The following PI4KA variants were observed in gnomAD, a reference collection of about 807,000 sequenced individuals.
PI4KA encodes phosphatidylinositol 4-kinase alpha, also known as PI4-kinase alpha.
A neutral mutation model predicts 271.4 loss-of-function variants in PI4KA; 122 were observed. That is an observed-to-expected ratio of 0.45 (90% confidence interval 0.39 to 0.52). PI4KA has a LOEUF of 0.52. Among genes scored for constraint, PI4KA ranks in the 20% least tolerant of loss-of-function variants. PI4KA has a pLI of 0.00. For missense variants in PI4KA, 1,969 were observed against 2,769.1 expected (o/e 0.71, Z 6.48); for synonymous variants, 1,041 against 1,078.8 (o/e 0.96, Z 0.69).
rs776276155 is a variant in PI4KA at position 20,807,394 on chromosome 22, T to G, written c.1136A>C (p.Lys379Thr). Residue 379 changes from lysine (K) to threonine (T), a missense_variant, in exon 10 of 55, where the codon AAG (lysine) becomes ACG (threonine). This residue lies in a region of PI4KA where 540 missense variants were observed against 555.5 expected (regional missense o/e 0.97). Transcript: ENST00000255882. Reference sequence around the variant, plus strand: ...GTAGTACAGAGTGTCACGCAGCATCTTGAACATGGTCAGGTAGAGAGGGTC... The same window carrying G: ...GTAGTACAGAGTGTCACGCAGCATCGTGAACATGGTCAGGTAGAGAGGGTC... The part of the protein sequence containing the change: ...FSDPLYLTMF[K>T]MLRDTLYYMK... 1.2e-6 allele frequency: 2 copies of G among 1,613,240 alleles called. No homozygotes were observed. Among genetic ancestry groups the G allele is most frequent in the Non-Finnish European group, 1.7e-6 (2 of 1,179,236 alleles).
At chr22:20,841,771 A>T (rs1343647001) in intron 1 of PI4KA, among the ~76,000 whole-genome samples, 2 of 152,220 alleles carry the variant, frequency 1.3e-5, no homozygotes, top group African/African-American at 4.8e-5. Flanking sequence ...GGCCCAGGGC[A>T]ATCACAAAGG....
intron 19 of PI4KA, among the ~76,000 whole-genome samples, chr22:20,768,734 T>G (rs768958641): frequency 6.6e-6 from 1 of 151,974 alleles, no homozygotes; most frequent in Non-Finnish European, 1.5e-5. Context: ...GGCCAAGACC[T>G]GGGGGTGCAG....
intron 1 of PI4KA, among the ~76,000 whole-genome samples, chr22:20,854,354 C>G (rs1927339955): frequency 1.3e-5 from 2 of 152,152 alleles, no homozygotes; most frequent in South Asian, 4.1e-4. Flanking sequence ...CTCCTGACCT[C>G]AAGCGATCAG....
chr22:20,796,157 G>A lies in PI4KA; in HGVS notation c.2266C>T (p.Pro756Ser), dbSNP rs766884028. 1 of 1,613,254 alleles carries A rather than the reference G, an allele frequency of 6.2e-7. No individual in the cohort carries two copies. Among genetic ancestry groups the A allele is most frequent in the Admixed American group, 1.7e-5 (1 of 59,980 alleles). ...ATCCTCCTTCCTACCTTTAGGGCAG[G>A]GCCCTTCTCGCTTGCCCTCTCGCTG... ...RASERASEKG[P>S]ALKASSSAGN... Residue 756 changes from proline (P) to serine (S), a missense_variant, in exon 18 of 55, where the codon CCT becomes TCT. Pro to Ser is a moderately conservative substitution (Grantham distance 74). Transcript: ENST00000255882.
intron 1 of PI4KA, among the ~76,000 whole-genome samples, chr22:20,841,155 C>T (rs1283818436): frequency 6.6e-6 from 1 of 152,156 alleles, no homozygotes; most frequent in African/African-American, 2.4e-5. Flanking sequence ...GCTGAGATTA[C>T]AGGCATGAGC....
At position 20,848,819 on chromosome 22, in the gene PI4KA, G is replaced by GA. The variant is rs942798575; in HGVS notation, c.156+9750dup. Among the ~76,000 whole-genome samples, 42 of 143,222 alleles carry GA rather than the reference G, an allele frequency of 2.9e-4. No individual in the cohort carries two copies. In the Middle Eastern group the frequency reaches 0.014, roughly 48 times the overall value. 94.0% of individuals were successfully genotyped at this position (143,222 alleles called of 152,430 possible). The stretch of plus-strand genomic sequence containing the variant: ...AACACAAAAAGCACAAGGGACAAAA[G>GA]AAAAAAAAAATGACAAAATGGACAT... On this transcript the variant is annotated intron_variant, in intron 1 of 54. Transcript: ENST00000255882.
rs185148715 is a variant in PI4KA, at chr22:20,790,108, T to G, written c.2328+3085A>C. On this transcript the variant is annotated intron_variant, in intron 19 of 54. Coordinates refer to ENST00000255882, the MANE Select transcript of PI4KA (RefSeq NM_058004.4). The stretch of plus-strand genomic sequence containing the variant: ...CTGAAGTAATTTAATCAATGATATC[T>G]CTGAAGAAATATTATTCACAAAGTT... Among the ~76,000 whole-genome samples, 163 of 152,340 alleles carry G rather than the reference T, an allele frequency of 1.1e-3. 1 individual carries two copies. The highest frequency in any genetic ancestry group is 4.3e-3 in the South Asian group (21 of 4,830).
intron 3 of PI4KA, among the ~76,000 whole-genome samples, chr22:20,825,980 C>A (rs1923355755): frequency 6.6e-6 from 1 of 152,170 alleles, no homozygotes; most frequent in Non-Finnish European, 1.5e-5. Flanking sequence ...GAACATGCAG[C>A]GTTTGGTTTC....
At chr22:20,757,390 C>A (rs1211146272) in intron 23 of PI4KA, among the ~76,000 whole-genome samples, 5 of 152,160 alleles carry the variant, frequency 3.3e-5, no homozygotes, top group Non-Finnish European at 7.3e-5. Flanking sequence ...TGAGGAGGAA[C>A]AATCAGTCCC....
At chr22:20,759,727 G>A (rs567535166) in intron 23 of PI4KA, among the ~76,000 whole-genome samples, 44 of 152,184 alleles carry the variant, frequency 2.9e-4, no homozygotes, top group African/African-American at 8.4e-4. Flanking sequence ...CACCACGCCC[G>A]GCTAATTTTT....
intron 19 of PI4KA, chr22:20,784,321 T>TA (rs1934037065): frequency 6.3e-7 from 1 of 1,589,562 alleles, no homozygotes; most frequent in African/African-American, 1.3e-5. Flanking sequence ...AAATGGATCA[T>TA]TTTTTTAAAA....
At chr22:20,774,316 C>T (rs1201766663) in intron 19 of PI4KA, among the ~76,000 whole-genome samples, 2 of 152,090 alleles carry the variant, frequency 1.3e-5, no homozygotes, top group African/African-American at 4.8e-5. Context: ...TGTGTCAGTT[C>T]CATTGTTGGG....
chr22:20,816,605 C>A (rs1921843206), intron 7 of PI4KA, among the ~76,000 whole-genome samples: 1 of 152,124 alleles, frequency 6.6e-6, no homozygotes, highest in Admixed American at 6.6e-5. Context: ...GCACTCCAGC[C>A]TGGGTGACAG....
chr22:20,851,736 A>G (rs1423422762), intron 1 of PI4KA, among the ~76,000 whole-genome samples: 1 of 152,200 alleles, frequency 6.6e-6, no homozygotes, highest in East Asian at 1.9e-4. Flanking sequence ...AGAGCCTCTC[A>G]GGACTCAATA....
rs367588433 is a variant in PI4KA at position 20,803,341 on chromosome 22, G to A, written c.1462-21C>T. On this transcript the variant is annotated intron_variant, in intron 12 of 54. Transcript: ENST00000255882. Reference sequence around the variant, plus strand: ...AAACCCTGCAACACACCATCAACCTGTCACATGGCCTGTGGTATGGGACCA... The same window carrying A: ...AAACCCTGCAACACACCATCAACCTATCACATGGCCTGTGGTATGGGACCA... 25 of 1,613,438 alleles carry A rather than the reference G, an allele frequency of 1.5e-5. No homozygotes were observed. The African/African-American group carries it at 2.0e-4, about 13-fold the overall frequency.
In PI4KA at chr22:20,780,225, C is replaced by T. The variant is rs181543713; in HGVS notation, c.2328+12968G>A. 6.9e-5 allele frequency: 112 copies of T among 1,614,130 alleles called. 2 individuals carry two copies. The highest frequency in any genetic ancestry group is 1.7e-6 in the Non-Finnish European group (2 of 1,180,024). ...AGGTAAGAGGCACCTTTACAGTTCT[C>T]ACAGCAAACCCACAACATACTATTT... On this transcript the variant is annotated intron_variant, in intron 19 of 54. Coordinates refer to ENST00000255882, the MANE Select transcript of PI4KA (RefSeq NM_058004.4).
chr22:20,823,257 T>C (rs905946650), intron 4 of PI4KA, among the ~76,000 whole-genome samples: 9 of 146,948 alleles, frequency 6.1e-5, no homozygotes, highest in Non-Finnish European at 1.2e-4. Flanking sequence ...TCACCTTTGG[T>C]GTTGACCTCT....
At chr22:20,790,968 T>C (rs1934606025) in intron 19 of PI4KA, among the ~76,000 whole-genome samples, 1 of 152,126 alleles carries the variant, frequency 6.6e-6, no homozygotes, top group South Asian at 2.1e-4. Context: ...TGCTAAGCTA[T>C]CACAGATAAC....
chr22:20,809,393 G>C (rs1935865455), intron 9 of PI4KA, among the ~76,000 whole-genome samples: 1 of 151,790 alleles, frequency 6.6e-6, no homozygotes, highest in Non-Finnish European at 1.5e-5. Flanking sequence ...TGGATACTGA[G>C]TAATATATTG....
Sources: allele counts gnomAD v4.1 joint callset (sites outside exome capture counted in the v4.1 genomes callset), GRCh38; gene constraint gnomAD v4.1.1; regional missense constraint gnomAD v4.1.1; transcripts MANE v1.5; gene names NCBI Gene and HGNC (gene_info 2026-07-23, HGNC 2026-07-21).